TNKS1BP1: variants seen among roughly 807,000 people sequenced by gnomAD.
TNKS1BP1 encodes 182 kDa tankyrase-1-binding protein.
TNKS1BP1 carries 48 observed loss-of-function variants against 141.1 expected under a neutral mutation model. The observed-to-expected ratio is 0.34, with a 90% CI of 0.27 to 0.43. The LOEUF is 0.43. Among genes scored for constraint, TNKS1BP1 ranks in the 20% least tolerant of loss-of-function variants. The pLI is 1.00. For missense variants in TNKS1BP1, 2,149 were observed against 2,226.0 expected, an observed-to-expected ratio of 0.97 and a Z score of 0.70; for synonymous variants, 875 against 898.2, an observed-to-expected ratio of 0.97 and a Z score of 0.46.
chr11:57,318,883 G>A (rs572620583), intron 3 of TNKS1BP1, among the ~76,000 whole-genome samples: 8 of 152,308 alleles, frequency 5.3e-5, no homozygotes, highest in East Asian at 1.9e-4. Flanking sequence ...AGTGGCTCAC[G>A]CCTGTAATCC....
Position 57,317,874 on chromosome 11 carries a change from C to G in TNKS1BP1, c.742G>C (p.Asp248His). The G allele has an allele frequency of 1.2e-6, 2 of 1,613,826 alleles. No individual in the cohort carries two copies. Among genetic ancestry groups the G allele is most frequent in the Non-Finnish European group, 1.7e-6 (2 of 1,179,814 alleles). The change falls in exon 4 of 12, where the codon GAC becomes CAC. Residue 248 changes from aspartate (D) to histidine (H), a missense_variant. By Grantham distance (81) the Asp-to-His change is moderately conservative. Transcript: ENST00000358252. ...KTPEERSLPS[D>H]LAFNGDLAKA... is the part of the protein sequence containing the mutation. The stretch of plus-strand genomic sequence containing the variant: ...GCCAGGTCCCCGTTGAAGGCCAGGT[C>G]GGAAGGAAGGCTCCTGTGAGGGACG...
intron 6 of TNKS1BP1, among the ~76,000 whole-genome samples, chr11:57,305,829 G>A (rs896553875): frequency 2.0e-5 from 3 of 152,186 alleles, no homozygotes; most frequent in South Asian, 2.1e-4. Flanking sequence ...TCGGAGGCCC[G>A]CAGAAGAGAA....
intron 1 of TNKS1BP1, 61 bp from the exon 2 acceptor site, chr11:57,322,011 GA>G: frequency 1.5e-6 from 2 of 1,300,848 alleles, no homozygotes; most frequent in Non-Finnish European, 2.0e-6. Context: ...AGGTTTAGCA[GA>G]GAGAAGTCTC....
chr11:57,313,171 G>T lies in TNKS1BP1; in HGVS notation c.1517C>A (p.Ala506Asp). The T allele has an allele frequency of 6.2e-7, 1 of 1,612,862 alleles. No individual in the cohort carries two copies. The highest frequency in any genetic ancestry group is 8.5e-7 in the Non-Finnish European group (1 of 1,180,024). Reference protein sequence around the residue: ...PPSPITEASEAAEAAEAGNLA... With the variant: ...PPSPITEASEDAEAAEAGNLA... ...GTTGCCAGCCTCAGCAGCCTCGGCG[G>T]CCTCACTGGCTTCAGTGATGGGGGA... Residue 506 changes from alanine (A) to aspartate (D), a missense_variant, in exon 5 of 12, where the codon GCC becomes GAC. Coordinates refer to ENST00000358252, the MANE Select transcript of TNKS1BP1 (RefSeq NM_033396.3).
intron 5 of TNKS1BP1, among the ~76,000 whole-genome samples, chr11:57,312,071 C>T (rs1030121990): frequency 6.6e-6 from 1 of 152,180 alleles, no homozygotes; most frequent in African/African-American, 2.4e-5. Flanking sequence ...TTTAAGGTCA[C>T]ACCTGGGCAA....
At position 57,313,789 on chromosome 11, in the gene TNKS1BP1, C is replaced by G; in HGVS notation, c.899G>C (p.Gly300Ala). 6.3e-7 allele frequency: 1 copy of G among 1,591,980 alleles called. No individual in the cohort carries two copies. Among genetic ancestry groups the G allele is most frequent in the Non-Finnish European group, 8.5e-7 (1 of 1,170,146 alleles). The change falls in exon 5 of 12, where the codon GGC (glycine) becomes GCC (alanine). Residue 300 changes from glycine (G) to alanine (A), a missense_variant. Gly to Ala is a moderately conservative substitution (Grantham distance 60, BLOSUM62 0). Transcript: ENST00000358252. ...ATCAGGCGGGTGAAGATGGGGAGAG[C>G]CAGGGCCTGAGCCTGAGGCTTCTGC... ...LPAEASGSGPGSPHLHPPDKS... is the reference protein window; with the variant it reads ...LPAEASGSGPASPHLHPPDKS...
chr11:57,317,265 C>T (rs1457517374), intron 4 of TNKS1BP1, among the ~76,000 whole-genome samples: 1 of 152,206 alleles, frequency 6.6e-6, no homozygotes, highest in Non-Finnish European at 1.5e-5. Context: ...AAGGGCCATC[C>T]TGTACCTTGT....
chr11:57,316,695 G>A (rs1430561475), intron 4 of TNKS1BP1, among the ~76,000 whole-genome samples: 1 of 151,968 alleles, frequency 6.6e-6, no homozygotes, highest in African/African-American at 2.4e-5. Flanking sequence ...TCCACCGTAG[G>A]CTACCTCCAG....
Position 57,307,353 on chromosome 11 carries a change from T to C in TNKS1BP1, c.4316+1042A>G, listed in dbSNP as rs543779956. 4.6e-5 allele frequency among the ~76,000 whole-genome samples: 7 copies of C among 152,222 alleles called. No homozygotes were observed. The South Asian group carries it at 1.5e-3, about 32-fold the overall frequency. ...CCTCAATGCAGCCTCAGTGGTTCCC[T>C]GTGCTCCGTCACCACCCCGTCAACA... On this transcript the variant is annotated intron_variant, in intron 6 of 11. Coordinates refer to ENST00000358252, the MANE Select transcript of TNKS1BP1 (RefSeq NM_033396.3).
rs183473558 is a variant in TNKS1BP1, at chr11:57,299,825, G to A, written c.*269C>T. On this transcript the variant is annotated 3_prime_UTR_variant, in exon 12 of 12. Coordinates refer to ENST00000358252, the MANE Select transcript of TNKS1BP1 (RefSeq NM_033396.3). ...AAAAGAAAACCCAAGGGAGGCTGGA[G>A]GAGGAAGCAGAGAGGGAGAGGGAAG... The A allele has an allele frequency of 2.7e-3, 426 of 155,044 alleles. No homozygotes were observed. The highest frequency in any genetic ancestry group is 4.7e-3 in the Middle Eastern group (9 of 1,926). The allele number at this position is 155,044 out of a possible 1,614,324, so 9.6% of individuals were successfully genotyped here. A position where few individuals can be genotyped will look rare whatever the true frequency, so the allele number is the denominator to read the frequency against.
chr11:57,321,690 A>C, intron 2 of TNKS1BP1, 102 bp downstream of exon 2: 1 of 1,372,848 alleles, frequency 7.3e-7, no homozygotes, highest in African/African-American at 1.4e-5. Context: ...CTATCTCAAC[A>C]GAATCATCAC....
At chr11:57,320,022 A>AAACCCCC in intron 3 of TNKS1BP1, 57 bp downstream of exon 3, 2 of 1,118,688 alleles carry the variant, frequency 1.8e-6, no homozygotes, top group Non-Finnish European at 2.6e-6. Flanking sequence ...CCCCCACCCA[A>AAACCCCC]TCCCACCCCA....
chr11:57,319,625 G>T (rs973157431), intron 3 of TNKS1BP1, among the ~76,000 whole-genome samples: 4 of 152,148 alleles, frequency 2.6e-5, no homozygotes, highest in Non-Finnish European at 5.9e-5. Context: ...AAATTAGCTG[G>T]GCGTGGTGGC....
intron 6 of TNKS1BP1, among the ~76,000 whole-genome samples, chr11:57,303,696 T>A (rs1855565132): frequency 6.6e-6 from 1 of 152,206 alleles, no homozygotes; most frequent in African/African-American, 2.4e-5. Flanking sequence ...AATGAGGGGC[T>A]GGGTCACCTT....
Position 57,302,486 on chromosome 11 carries a change from G to T in TNKS1BP1, c.4656C>A (p.Ser1552=), listed in dbSNP as rs752670507. The T allele has an allele frequency of 6.9e-6, 11 of 1,605,278 alleles. No individual in the cohort carries two copies. Among genetic ancestry groups the T allele is most frequent in the Middle Eastern group, 1.7e-4 (1 of 6,018 alleles). The change falls in exon 7 of 12, where the codon TCC becomes TCA. Residue 1552 remains serine, a synonymous_variant. Coordinates refer to ENST00000358252, the MANE Select transcript of TNKS1BP1 (RefSeq NM_033396.3). This position sits in a 1 kb window ranked among gnomAD's most constrained non-coding sequence, Gnocchi z 5.5. ...CAATGAAGGAGAAGTCCTGACTGGGGGATCTGGCAGGAGGGCCTTGGGAGG... is the reference window on the plus strand; with the variant it reads ...CAATGAAGGAGAAGTCCTGACTGGGTGATCTGGCAGGAGGGCCTTGGGAGG... The part of the protein sequence containing the change: ...RRPSQGPPAR[S]PSQDFSFIED...
In TNKS1BP1 at chr11:57,312,837, T is replaced by G; in HGVS notation, c.1851A>C (p.Pro617=). The G allele has an allele frequency of 6.2e-7, 1 of 1,611,500 alleles. No individual in the cohort carries two copies. Among genetic ancestry groups the G allele is most frequent in the Non-Finnish European group, 8.5e-7 (1 of 1,178,712 alleles). ...CTGCTGGCTGCTCCTGCCCCAGGAC[T>G]GGCTCCAGGATGGGCAAGGCTGCCT... The part of the protein sequence containing the change: ...TREAALPILE[P]VLGQEQPAAP... Residue 617 remains proline, a synonymous_variant, in exon 5 of 12, where the codon CCA becomes CCC. Transcript: ENST00000358252.
chr11:57,308,563 C>G lies in TNKS1BP1; in HGVS notation c.4148G>C (p.Ser1383Thr). Residue 1383 changes from serine (S) to threonine (T), a missense_variant, in exon 6 of 12, where the codon AGC becomes ACC. Transcript: ENST00000358252. ...TCTGGCCTCCAGGCCAGGAGACAAG[C>G]TGCCATTGTGCCTCAGGCCGGGCTC... Reference protein sequence around the residue: ...CPEPGLRHNGSLSPGLEARDP... With the variant: ...CPEPGLRHNGTLSPGLEARDP... 3 of 1,614,180 alleles carry G rather than the reference C, an allele frequency of 1.9e-6. No homozygotes were observed. Among genetic ancestry groups the G allele is most frequent in the Non-Finnish European group, 2.5e-6 (3 of 1,180,020 alleles).
intron 4 of TNKS1BP1, among the ~76,000 whole-genome samples, chr11:57,315,252 C>T (rs1173619226): frequency 4.0e-5 from 6 of 151,714 alleles, no homozygotes; most frequent in Non-Finnish European, 8.8e-5. Flanking sequence ...CCTATCTGAC[C>T]GGCTCACTCT....
chr11:57,306,256 A>G (rs1438794360), intron 6 of TNKS1BP1, among the ~76,000 whole-genome samples: 1 of 144,832 alleles, frequency 6.9e-6, no homozygotes, highest in Non-Finnish European at 1.5e-5. Context: ...TCAGGCTGGG[A>G]GCCTGGGCGA....
Sources: gnomAD v4.1 joint callset for allele counts (sites outside exome capture counted in the v4.1 genomes callset) on GRCh38, gnomAD v4.1.1 for gene constraint, Gnocchi (gnomAD v3.1) non-coding constraint, MANE v1.5 for transcripts, NCBI Gene and HGNC (gene_info 2026-07-23, HGNC 2026-07-21) for gene names.